ABLIM2: variants seen among roughly 807,000 people sequenced by gnomAD.
ABLIM2 encodes actin binding LIM protein family member 2.
Under a neutral mutation model 97.7 loss-of-function variants are expected in ABLIM2, and 53 were observed. The observed-to-expected ratio is 0.54, with a 90% confidence interval of 0.44 to 0.68. The LOEUF is 0.68. Among genes scored for constraint, ABLIM2 ranks in the 30% least tolerant of loss-of-function variants. The pLI, the probability that ABLIM2 is intolerant of heterozygous loss-of-function variation, is 0.00. For synonymous variants in ABLIM2, 361 were observed against 345.8 expected (o/e 1.04, Z -0.49); for missense variants, 835 against 867.2 (o/e 0.96, Z 0.47).
intron 1 of ABLIM2, among the ~76,000 whole-genome samples, chr4:8,146,116 T>C (rs959529052): frequency 5.3e-5 from 8 of 152,252 alleles, no homozygotes; most frequent in African/African-American, 1.9e-4. Context: ...TCCTGTATTC[T>C]TCGTCTACCA....
At chr4:8,116,971 C>G (rs1843056025) in intron 1 of ABLIM2, among the ~76,000 whole-genome samples, 1 of 152,232 alleles carries the variant, frequency 6.6e-6, no homozygotes, top group Non-Finnish European at 1.5e-5. Flanking sequence ...CTGGTATAGA[C>G]AGTAGGAGAG....
At chr4:8,099,714 G>A (rs531020201) in intron 2 of ABLIM2, among the ~76,000 whole-genome samples, 8 of 152,160 alleles carry the variant, frequency 5.3e-5, no homozygotes, top group East Asian at 1.9e-4. Flanking sequence ...GCGTGGTGGC[G>A]GGCGCCTGTA....
chr4:8,133,743 T>C (rs1849769202), intron 1 of ABLIM2, among the ~76,000 whole-genome samples: 2 of 152,294 alleles, frequency 1.3e-5, no homozygotes, highest in Admixed American at 6.5e-5. Context: ...ACAATGAGCA[T>C]TGCAAATGCC....
intron 3 of ABLIM2, among the ~76,000 whole-genome samples, chr4:8,091,239 T>C (rs1827183288): frequency 7.7e-6 from 1 of 130,242 alleles, no homozygotes; most frequent in African/African-American, 2.9e-5. Context: ...TGGTAAACAC[T>C]GTTTCATGTA....
In ABLIM2 at chr4:8,005,182, G is replaced by A; in HGVS notation, c.1618+2877C>T. 1 of 393,868 alleles carries A rather than the reference G, an allele frequency of 2.5e-6. No homozygotes were observed. The highest frequency in any genetic ancestry group is 5.2e-6 in the Non-Finnish European group (1 of 193,418). 24.4% of individuals were successfully genotyped at this position (393,868 alleles called of 1,614,324 possible). A position where few individuals can be genotyped will look rare whatever the true frequency, so the allele number is the denominator to read the frequency against. ...GGTGCCCGGCGGGCAGGCGGCGGCG[G>A]GATGCGTGTGCGCTCGCTCTGTCGG... On this transcript the variant is annotated intron_variant, in intron 16 of 20. Coordinates refer to ENST00000447017, the MANE Select transcript of ABLIM2 (RefSeq NM_001130083.2). This position sits in a 1 kb window ranked among gnomAD's most constrained non-coding sequence, Gnocchi z 4.9.
chr4:8,080,654 C>A, intron 5 of ABLIM2, 22 bp downstream of exon 5: 2 of 1,584,522 alleles, frequency 1.3e-6, no homozygotes, highest in South Asian at 1.1e-5. Flanking sequence ...GAGGCTCTCA[C>A]TAGAGCCCTC....
chr4:8,000,003 G>A (rs540360691), intron 16 of ABLIM2, among the ~76,000 whole-genome samples: 28 of 152,150 alleles, frequency 1.8e-4, no homozygotes, highest in Non-Finnish European at 3.7e-4. Flanking sequence ...CACAGCATCC[G>A]GGTCTGCTTT....
At chr4:8,079,093 T>G (rs1184139245) in intron 5 of ABLIM2, among the ~76,000 whole-genome samples, 1 of 152,320 alleles carries the variant, frequency 6.6e-6, no homozygotes, top group East Asian at 1.9e-4. Context: ...TGGGTGCCCC[T>G]CTCTGGCTGC....
At chr4:7,993,856 C>T (rs866649106) in intron 16 of ABLIM2, 3 of 470,440 alleles carry the variant, frequency 6.4e-6, no homozygotes, top group African/African-American at 3.9e-5. Flanking sequence ...CCAGCCCCCA[C>T]CGAGCTCCCT....
chr4:8,080,251 C>G (rs1818932890), intron 5 of ABLIM2, among the ~76,000 whole-genome samples: 1 of 152,226 alleles, frequency 6.6e-6, no homozygotes, highest in Non-Finnish European at 1.5e-5. Context: ...GGTCAGCCCC[C>G]TCTCCTCATC....
intron 20 of ABLIM2, among the ~76,000 whole-genome samples, chr4:7,973,152 A>C (rs929758398): frequency 2.1e-5 from 3 of 143,126 alleles, no homozygotes. Flanking sequence ...TTCCAGGAAG[A>C]ATAAAGTGCA....
Position 7,998,418 on chromosome 4 carries a change from T to C in ABLIM2, c.1619-5491A>G, listed in dbSNP as rs1271614070. On this transcript the variant is annotated intron_variant, in intron 16 of 20. Coordinates refer to ENST00000447017, the MANE Select transcript of ABLIM2 (RefSeq NM_001130083.2). This position sits in a 1 kb window ranked among gnomAD's most constrained non-coding sequence, Gnocchi z 6.4. ...TTGCTTTTCAGAATGCTTGCTGAAG[T>C]GCTATTCTGGTCTGCTAAATTCACC... Among the ~76,000 whole-genome samples, 2 of 152,072 alleles carry C rather than the reference T, an allele frequency of 1.3e-5. No homozygotes were observed. Among genetic ancestry groups the C allele is most frequent in the African/African-American group, 2.4e-5 (1 of 41,406 alleles).
intron 10 of ABLIM2, among the ~76,000 whole-genome samples, chr4:8,035,145 C>T (rs1783822807): frequency 2.0e-5 from 3 of 151,886 alleles, no homozygotes; most frequent in South Asian, 4.2e-4. Flanking sequence ...CCCTCAGCTC[C>T]CCCCACTGGT....
In ABLIM2 at chr4:8,128,816, G is replaced by A. The variant is rs1189494426; in HGVS notation, c.11-22179C>T. 6.6e-6 allele frequency among the ~76,000 whole-genome samples: 1 copy of A among 152,248 alleles called. No homozygotes were observed. Among genetic ancestry groups the A allele is most frequent in the South Asian group, 2.1e-4 (1 of 4,812 alleles). On this transcript the variant is annotated intron_variant, in intron 1 of 20. Transcript: ENST00000447017. The surrounding 1 kb of genome is among the most constrained non-coding windows in gnomAD (Gnocchi z 4.9). ...GTGCCCTTGTAAGAAGAGGCCAGAGGCTGCCTCGCTCTTTCTACCACATGA... is the reference window on the plus strand; with the variant it reads ...GTGCCCTTGTAAGAAGAGGCCAGAGACTGCCTCGCTCTTTCTACCACATGA...
chr4:8,005,163 C>T lies in ABLIM2; in HGVS notation c.1618+2896G>A, dbSNP rs138570702. 159 of 371,554 alleles carry T rather than the reference C, an allele frequency of 4.3e-4. 2 individuals are homozygous for T. The highest frequency in any genetic ancestry group is 1.7e-3 in the African/African-American group (79 of 47,844). 23.0% of individuals were successfully genotyped at this position (371,554 alleles called of 1,614,324 possible). On this transcript the variant is annotated intron_variant, in intron 16 of 20. Coordinates refer to ENST00000447017, the MANE Select transcript of ABLIM2 (RefSeq NM_001130083.2). The surrounding 1 kb of genome is among the most constrained non-coding windows in gnomAD (Gnocchi z 4.9). Reference sequence around the variant, plus strand: ...GCCCTTGCGAAGCCAAAGAGGTGCCCGGCGGGCAGGCGGCGGCGGGATGCG... The same window carrying T: ...GCCCTTGCGAAGCCAAAGAGGTGCCTGGCGGGCAGGCGGCGGCGGGATGCG...
chr4:8,074,285 T>C (rs1814499195), intron 6 of ABLIM2, among the ~76,000 whole-genome samples: 1 of 151,914 alleles, frequency 6.6e-6, no homozygotes, highest in Non-Finnish European at 1.5e-5. Flanking sequence ...AAGATCCCTG[T>C]CTCTAAGAAA....
chr4:8,028,398 T>C (rs915119154), intron 11 of ABLIM2, among the ~76,000 whole-genome samples: 1 of 152,090 alleles, frequency 6.6e-6, no homozygotes, highest in African/African-American at 2.4e-5. Context: ...CACTCACTCA[T>C]TTATTCACTC....
At position 8,072,365 on chromosome 4, in the gene ABLIM2, C is replaced by T. The variant is rs148792191; in HGVS notation, c.675+5263G>A. On this transcript the variant is annotated intron_variant, in intron 6 of 20. Coordinates refer to ENST00000447017, the MANE Select transcript of ABLIM2 (RefSeq NM_001130083.2). The surrounding 1 kb of genome is among the most constrained non-coding windows in gnomAD (Gnocchi z 5.8). ...CCCACTTTGCTCGCCCAGTGCGGAG[C>T]GTGCCTGAGGCAGAGCAGCCCCAGT... 6.6e-6 allele frequency among the ~76,000 whole-genome samples: 1 copy of T among 152,194 alleles called. No individual in the cohort carries two copies. The highest frequency in any genetic ancestry group is 1.5e-5 in the Non-Finnish European group (1 of 68,028).
intron 9 of ABLIM2, among the ~76,000 whole-genome samples, chr4:8,041,921 A>AG (rs397963550): frequency 6.6e-6 from 1 of 151,412 alleles, no homozygotes; most frequent in Non-Finnish European, 1.5e-5. Flanking sequence ...GAAAAAAAAA[A>AG]GAGCTCATAT....
Sources: gnomAD v4.1 joint callset for allele counts (sites outside exome capture counted in the v4.1 genomes callset) on GRCh38, gnomAD v4.1.1 for gene constraint, Gnocchi (gnomAD v3.1) non-coding constraint, MANE v1.5 for transcripts, NCBI Gene and HGNC (gene_info 2026-07-23, HGNC 2026-07-21) for gene names.